C3orf49: variants seen among roughly 807,000 people sequenced by gnomAD.
C3orf49 encodes the protein chromosome 3 open reading frame 49.
In C3orf49, 27 loss-of-function variants were observed where a neutral mutation model predicts 13.3. That is an observed-to-expected ratio of 2.02 (90% CI 1.49 to 2.79). The LOEUF (loss-of-function observed/expected upper bound fraction) is 2.79, where lower values mean the gene tolerates loss of function less well. Among genes scored for constraint, C3orf49 ranks in the 30% most tolerant of loss-of-function variants. The pLI, the probability that C3orf49 is intolerant of heterozygous loss-of-function variation, is 0.00. For synonymous variants in C3orf49, 87 were observed against 47.6 expected (o/e 1.83, Z -3.40); for missense variants, 242 against 134.2 (o/e 1.80, Z -3.97).
At chr3:63,835,492 A>G in intron 5 of C3orf49, 1 of 1,065,876 alleles carries the variant, frequency 9.4e-7, no homozygotes, top group Non-Finnish European at 1.4e-6. Context: ...TAAAATAAAA[A>G]AAGGGCTTAT....
intron 5 of C3orf49, among the ~76,000 whole-genome samples, chr3:63,842,260 A>G (rs1203029728): frequency 6.6e-6 from 1 of 152,234 alleles, no homozygotes; most frequent in Non-Finnish European, 1.5e-5. Context: ...AACCACAGTG[A>G]GATACTAGCT....
the C3orf49 span, among the ~76,000 whole-genome samples, chr3:63,780,349 A>G: frequency 6.6e-6 from 1 of 152,150 alleles, no homozygotes; most frequent in Non-Finnish European, 1.5e-5. Flanking sequence ...ATAGTATTCC[A>G]TGGTATATGT....
intron 1 of C3orf49, among the ~76,000 whole-genome samples, chr3:63,822,575 A>T (rs1010212421): frequency 6.6e-6 from 1 of 152,242 alleles, no homozygotes; most frequent in Non-Finnish European, 1.5e-5. Flanking sequence ...AAATTATGTT[A>T]TACACATGAA....
chr3:63,828,939 T>C lies in C3orf49; in HGVS notation c.570+1214T>C, dbSNP rs150464865. Among the ~76,000 whole-genome samples, 62 of 152,332 alleles carry C rather than the reference T, an allele frequency of 4.1e-4. No individual in the cohort carries two copies. The East Asian group carries it at 0.012, about 29-fold the overall frequency. On this transcript the variant is annotated intron_variant, in intron 3 of 6. Coordinates refer to ENST00000295896, the MANE Select transcript of C3orf49 (RefSeq NM_001355236.2). ...TCCAATATGCTAGTCAATAGCTACA[T>C]GTCACCACCTATGTTAATTAAAATT...
At chr3:63,810,192 C>T in the C3orf49 span, among the ~76,000 whole-genome samples, 80 of 148,712 alleles carry the variant, frequency 5.4e-4, no homozygotes, top group African/African-American at 1.7e-3. Flanking sequence ...TTTGTGCCAA[C>T]CTAATATAAT....
the C3orf49 span, among the ~76,000 whole-genome samples, chr3:63,794,172 TACACACAC>T: frequency 7.0e-6 from 1 of 142,610 alleles, no homozygotes; most frequent in African/African-American, 2.6e-5. Context: ...TACACACACA[TACACACAC>T]ACACACACAC....
intron 5 of C3orf49, among the ~76,000 whole-genome samples, 191 bp from the exon 6 acceptor site, chr3:63,844,832 C>T (rs1196776407): frequency 6.6e-6 from 1 of 152,106 alleles, no homozygotes; most frequent in Non-Finnish European, 1.5e-5. Context: ...ACTTTTATTG[C>T]TTATAAATTA....
At chr3:63,838,534 T>C (rs1012696122) in intron 5 of C3orf49, 26 of 1,570,392 alleles carry the variant, frequency 1.7e-5, no homozygotes, top group Non-Finnish European at 2.1e-5. Flanking sequence ...AATAAAGATA[T>C]TTGTGGACTG....
intron 3 of C3orf49, among the ~76,000 whole-genome samples, chr3:63,830,570 T>C (rs1200917924): frequency 2.0e-5 from 3 of 152,148 alleles, no homozygotes; most frequent in Non-Finnish European, 4.4e-5. Context: ...TGATTTCCAA[T>C]TGCAACACTG....
chr3:63,798,018 A>G, the C3orf49 span, among the ~76,000 whole-genome samples: 2 of 152,280 alleles, frequency 1.3e-5, no homozygotes, highest in African/African-American at 4.8e-5. Context: ...GATCTAGCAC[A>G]ATCTTCCTAC....
chr3:63,845,109 T>TG (rs1701860520), intron 6 of C3orf49, 27 bp downstream of exon 6: 3 of 687,052 alleles, frequency 4.4e-6, no homozygotes, highest in African/African-American at 1.8e-5. Flanking sequence ...TTTCTGGGGG[T>TG]GGGGGGTACT....
At chr3:63,796,339 C>T in the C3orf49 span, among the ~76,000 whole-genome samples, 3 of 152,068 alleles carry the variant, frequency 2.0e-5, no homozygotes, top group Non-Finnish European at 4.4e-5. Flanking sequence ...ATGATTCATT[C>T]CCCTACCAAA....
intron 5 of C3orf49, 66 bp from the exon 6 acceptor site, chr3:63,844,957 A>C: frequency 1.6e-6 from 1 of 614,800 alleles, no homozygotes. Context: ...AGTGTTGCCC[A>C]AGTCTAGAAT....
chr3:63,807,857 C>CAAAA, the C3orf49 span, among the ~76,000 whole-genome samples: 512 of 29,504 alleles, frequency 0.017, no homozygotes, highest in Non-Finnish European at 0.028. Flanking sequence ...AACTTCATCT[C>CAAAA]AAAAAAAAAA....
chr3:63,789,159 T>G, the C3orf49 span, among the ~76,000 whole-genome samples: 1 of 152,140 alleles, frequency 6.6e-6, no homozygotes, highest in East Asian at 1.9e-4. Flanking sequence ...GGGCATTAGA[T>G]TCTCATTGGA....
chr3:63,811,489 C>T, the C3orf49 span, among the ~76,000 whole-genome samples: 8 of 150,922 alleles, frequency 5.3e-5, no homozygotes, highest in African/African-American at 1.7e-4. Context: ...ACTCGGGAGG[C>T]GGAGCTTGCA....
chr3:63,821,107 G>A (rs1575795272), intron 1 of C3orf49, among the ~76,000 whole-genome samples: 2 of 152,202 alleles, frequency 1.3e-5, no homozygotes, highest in African/African-American at 4.8e-5. Context: ...AAAAGATTAT[G>A]CCCATTTTCA....
chr3:63,823,766 TTGTGTGTGTGTGTGTGTGTGTGTGTGTG>T (rs55765936), intron 2 of C3orf49, among the ~76,000 whole-genome samples, 197 bp downstream of exon 2: 4 of 122,972 alleles, frequency 3.3e-5, no homozygotes, highest in Non-Finnish European at 5.1e-5. Flanking sequence ...GTTCATACCG[TTGTGTGTGTGTGTGTGTGTGTGTGTGTG>T]TGTGTGTGTG....
rs2107096966 is a variant in C3orf49, at chr3:63,823,307, G to A, written c.183G>A (p.Glu61=). The change falls in exon 2 of 7, where the codon GAG becomes GAA. Residue 61 remains glutamate, a synonymous_variant. Coordinates refer to ENST00000295896, the MANE Select transcript of C3orf49 (RefSeq NM_001355236.2). The part of the protein sequence containing the change: ...LLKQNVLVPK[E]ESSSDSDMGF... The stretch of plus-strand genomic sequence containing the variant: ...AACAAAATGTATTGGTCCCTAAAGA[G>A]GAATCATCCAGTGATAGTGACATGG... 2.8e-6 allele frequency: 2 copies of A among 703,028 alleles called. No individual in the cohort carries two copies. Among genetic ancestry groups the A allele is most frequent in the East Asian group, 5.4e-5 (2 of 37,286 alleles). The allele number at this position is 703,028 out of a possible 1,614,324, so 43.5% of individuals were successfully genotyped here. A position where few individuals can be genotyped will look rare whatever the true frequency, so the allele number is the denominator to read the frequency against.
Sources: allele counts gnomAD v4.1 joint callset (sites outside exome capture counted in the v4.1 genomes callset), GRCh38; gene constraint gnomAD v4.1.1; transcripts MANE v1.5; gene names NCBI Gene and HGNC (gene_info 2026-07-23, HGNC 2026-07-21).